Variants in DOK6 observed in about 807,000 individuals in gnomAD.
The protein encoded by DOK6 is downstream of tyrosine kinase 6.
DOK6 carries 22 observed loss-of-function variants against 44.0 expected under a neutral mutation model. That is an observed-to-expected ratio of 0.50 (90% CI 0.36 to 0.71). DOK6 has a LOEUF of 0.71. Ranked by LOEUF, DOK6 falls within the 30% of genes least tolerant of loss-of-function variation. The pLI is 0.00. For missense variants in DOK6, 340 were observed against 416.4 expected, an observed-to-expected ratio of 0.82 and a Z score of 1.60; for synonymous variants, 166 against 145.5, an observed-to-expected ratio of 1.14 and a Z score of -1.01.
chr18:69,733,197 A>AC (rs1978476093), intron 5 of DOK6, among the ~76,000 whole-genome samples: 1 of 152,148 alleles, frequency 6.6e-6, no homozygotes, highest in Non-Finnish European at 1.5e-5. Flanking sequence ...CTATGAAAAA[A>AC]AAAAAATTCA....
chr18:69,612,468 T>TGTGCGAGGGCGCATGTGTGCGTGGGCGC (rs1351653077), intron 3 of DOK6, among the ~76,000 whole-genome samples: 1 of 149,726 alleles, frequency 6.7e-6, no homozygotes, highest in Non-Finnish European at 1.5e-5. Context: ...CGTGCATATG[T>TGTGCGAGGGCGCATGTGTGCGTGGGCGC]ATTTCTTGCT....
intron 4 of DOK6, among the ~76,000 whole-genome samples, chr18:69,693,328 AAAAG>A: frequency 6.6e-6 from 1 of 151,710 alleles, no homozygotes; most frequent in African/African-American, 2.4e-5. Flanking sequence ...AAAAAAAAAA[AAAAG>A]AATCTATTGG....
rs914284877 is a variant in DOK6, at chr18:69,745,049, T to C, written c.738+5946T>C. Reference sequence around the variant, plus strand: ...AGCAATGTGTAATTTATCTAACCAGTGGTGTTCTTGCATGATGTGAGTAAA... The same window carrying C: ...AGCAATGTGTAATTTATCTAACCAGCGGTGTTCTTGCATGATGTGAGTAAA... On this transcript the variant is annotated intron_variant, in intron 6 of 7. Coordinates refer to ENST00000382713, the MANE Select transcript of DOK6 (RefSeq NM_152721.6). Among the ~76,000 whole-genome samples the C allele has an allele frequency of 2.6e-5, 4 of 151,330 alleles. 1 individual carries two copies. The South Asian group carries it at 8.3e-4, about 32-fold the overall frequency.
intron 1 of DOK6, among the ~76,000 whole-genome samples, chr18:69,416,553 G>A (rs551633205): frequency 4.6e-5 from 7 of 151,766 alleles, no homozygotes; most frequent in East Asian, 1.9e-4. Context: ...AGCAGAAAGT[G>A]GGAGAAACAT....
At chr18:69,518,962 C>T (rs1981614045) in intron 1 of DOK6, among the ~76,000 whole-genome samples, 3 of 152,040 alleles carry the variant, frequency 2.0e-5, no homozygotes, top group African/African-American at 7.2e-5. Flanking sequence ...TAGCATCTTC[C>T]TTAGTCACTC....
chr18:69,611,495 TACACACACACACACACACACAC>T (rs58620722), intron 3 of DOK6, among the ~76,000 whole-genome samples: 129,413 of 150,888 alleles, frequency 0.86, 56,271 homozygotes, highest in Non-Finnish European at 0.95. Context: ...CAAGTACACG[TACACACACACACACACACACAC>T]ACACACACAC....
intron 3 of DOK6, among the ~76,000 whole-genome samples, chr18:69,664,647 A>T (rs1985611220): frequency 2.0e-5 from 3 of 152,172 alleles, no homozygotes; most frequent in African/African-American, 7.2e-5. Flanking sequence ...ATCACCCTGT[A>T]GGCACTCAGG....
intron 3 of DOK6, among the ~76,000 whole-genome samples, chr18:69,655,331 A>C (rs1446575342): frequency 6.6e-6 from 1 of 152,184 alleles, no homozygotes; most frequent in Admixed American, 6.5e-5. Flanking sequence ...GACAGAATAT[A>C]TGTAAAAGAA....
intron 1 of DOK6, among the ~76,000 whole-genome samples, chr18:69,538,004 A>G (rs73970151): frequency 7.0e-4 from 106 of 152,308 alleles, no homozygotes; most frequent in African/African-American, 2.5e-3. Context: ...AGAGATTTAA[A>G]ATAAAACTGT....
chr18:69,824,172 T>C (rs1049680827), intron 7 of DOK6, among the ~76,000 whole-genome samples: 7 of 144,878 alleles, frequency 4.8e-5, no homozygotes, highest in Non-Finnish European at 1.1e-4. Context: ...ATTAGGTATA[T>C]CTCCTAATGC....
chr18:69,428,856 T>C (rs961796545), intron 1 of DOK6, among the ~76,000 whole-genome samples: 3 of 152,372 alleles, frequency 2.0e-5, no homozygotes, highest in South Asian at 2.1e-4. Context: ...CAATGATGAA[T>C]AATCATCAGA....
At chr18:69,629,325 T>C (rs4393669) in intron 3 of DOK6, among the ~76,000 whole-genome samples, 142,862 of 152,236 alleles carry the variant, frequency 0.94, 67,379 homozygotes, top group East Asian at 0.99. Flanking sequence ...GCCGAAGTTT[T>C]GAATAAGATA....
At chr18:69,531,600 T>C (rs977803) in intron 1 of DOK6, among the ~76,000 whole-genome samples, 2,874 of 152,126 alleles carry the variant, frequency 0.019, 98 homozygotes, top group African/African-American at 0.066. Flanking sequence ...ACAGAACCTG[T>C]AGTTCACGAA....
chr18:69,472,673 C>G (rs1227256407), intron 1 of DOK6, among the ~76,000 whole-genome samples: 1 of 152,156 alleles, frequency 6.6e-6, no homozygotes, highest in East Asian at 1.9e-4. Flanking sequence ...CTCACATACA[C>G]ACAAGCACGC....
chr18:69,619,161 C>T (rs1053026657), intron 3 of DOK6, among the ~76,000 whole-genome samples: 35 of 152,138 alleles, frequency 2.3e-4, no homozygotes, highest in Non-Finnish European at 4.1e-4. Flanking sequence ...GACCTGGGAG[C>T]CTGGGCTCAC....
At chr18:69,641,223 G>GA (rs796755439) in intron 3 of DOK6, among the ~76,000 whole-genome samples, 35 of 133,950 alleles carry the variant, frequency 2.6e-4, no homozygotes, top group Admixed American at 3.0e-4. Context: ...CAAAAAAAAA[G>GA]AAAAAAAAAA....
At chr18:69,401,584 G>A (rs977624141) in intron 1 of DOK6, among the ~76,000 whole-genome samples, 2 of 152,272 alleles carry the variant, frequency 1.3e-5, no homozygotes, top group East Asian at 1.9e-4. Flanking sequence ...AGACGAAAGG[G>A]GTTGTCAGTT....
At chr18:69,714,233 T>A (rs1460320848) in intron 5 of DOK6, among the ~76,000 whole-genome samples, 1 of 152,176 alleles carries the variant, frequency 6.6e-6, no homozygotes, top group Non-Finnish European at 1.5e-5. Context: ...TTCTGGAGAA[T>A]AACAAACTAC....
chr18:69,413,042 C>T (rs1004798665), intron 1 of DOK6, among the ~76,000 whole-genome samples: 1 of 152,104 alleles, frequency 6.6e-6, no homozygotes, highest in African/African-American at 2.4e-5. Flanking sequence ...CATTAAGCCA[C>T]TTTAATAACT....
Sources: allele counts gnomAD v4.1 joint callset (sites outside exome capture counted in the v4.1 genomes callset), GRCh38; gene constraint gnomAD v4.1.1; transcripts MANE v1.5; gene names NCBI Gene and HGNC (gene_info 2026-07-23, HGNC 2026-07-21).